Variants in MID2 observed in about 807,000 individuals in gnomAD.
The protein encoded by MID2 is probable E3 ubiquitin-protein ligase MID2.
MID2 carries 13 observed loss-of-function variants against 46.1 expected under a neutral mutation model. The ratio of observed to expected loss-of-function variants is 0.28; its 90% CI spans 0.18 to 0.45. The LOEUF (loss-of-function observed/expected upper bound fraction) is 0.45, where lower values mean the gene tolerates loss of function less well. Ranked by LOEUF, MID2 falls within the 20% of genes least tolerant of loss-of-function variation. MID2 has a pLI of 1.00. For synonymous variants in MID2, 199 were observed against 212.3 expected, an observed-to-expected ratio of 0.94 and a Z score of 0.55; for missense variants, 431 against 575.4, an observed-to-expected ratio of 0.75 and a Z score of 2.57.
intron 3 of MID2, among the ~76,000 whole-genome samples, chrX:107,873,857 A>C (rs760821122): frequency 1.8e-5 from 2 of 110,977 alleles, no homozygotes; most frequent in Non-Finnish European, 3.8e-5. Flanking sequence ...ATTACCTGTG[A>C]GGAAGTTTCT....
chrX:107,844,905 G>T lies in MID2; in HGVS notation c.720+3520G>T, dbSNP rs139705443. On this transcript the variant is annotated intron_variant, in intron 2 of 9. Transcript: ENST00000262843. ...TAATCTCCTTCAGGTCAGAAATAAT[G>T]TCTTGTATTTCTTTAGTATTCTCCT... Among the ~76,000 whole-genome samples the T allele has an allele frequency of 3.0e-3, 332 of 111,948 alleles. 4 individuals carry two copies. Among genetic ancestry groups the T allele is most frequent in the African/African-American group, 9.6e-3 (298 of 30,885 alleles).
intron 3 of MID2, among the ~76,000 whole-genome samples, chrX:107,869,576 C>T (rs758726558): frequency 9.0e-6 from 1 of 111,343 alleles, no homozygotes; most frequent in South Asian, 3.7e-4. Flanking sequence ...ATATGTCTTC[C>T]TATCCAGAAT....
At chrX:107,846,121 AG>A (rs1412797066) in intron 2 of MID2, among the ~76,000 whole-genome samples, 1 of 111,033 alleles carries the variant, frequency 9.0e-6, no homozygotes. Flanking sequence ...GTGTAAGGTA[AG>A]CTTTCTGTTG....
chrX:107,889,493 G>A (rs1268307526), intron 3 of MID2, among the ~76,000 whole-genome samples: 4 of 111,940 alleles, frequency 3.6e-5, no homozygotes, highest in African/African-American at 1.3e-4. Context: ...GAGATCCGCT[G>A]TTAGTCTGAT....
chrX:107,884,342 T>C (rs1192669916), intron 3 of MID2, among the ~76,000 whole-genome samples: 1 of 112,588 alleles, frequency 8.9e-6, no homozygotes, highest in Non-Finnish European at 1.9e-5. Flanking sequence ...TCAATATTTA[T>C]TTAATTCCTA....
At chrX:107,860,241 A>G (rs1931827303) in intron 3 of MID2, among the ~76,000 whole-genome samples, 1 of 111,779 alleles carries the variant, frequency 8.9e-6, no homozygotes, top group Non-Finnish European at 1.9e-5. Context: ...TAATGGGTGA[A>G]GGAGTGAGGG....
At chrX:107,904,523 G>A (rs1381439283) in intron 4 of MID2, among the ~76,000 whole-genome samples, 1 of 111,224 alleles carries the variant, frequency 9.0e-6, no homozygotes, top group Non-Finnish European at 1.9e-5. Context: ...GGGTAGATCA[G>A]AATGGGATGA....
intron 3 of MID2, among the ~76,000 whole-genome samples, chrX:107,881,285 G>T (rs1346973666): frequency 1.8e-5 from 2 of 112,492 alleles, no homozygotes; most frequent in Non-Finnish European, 3.8e-5. Context: ...TCATCCAGTG[G>T]GCATAGTACC....
Position 107,885,019 on chromosome X carries a change from T to G in MID2, c.817-18939T>G, listed in dbSNP as rs143729032. On this transcript the variant is annotated intron_variant, in intron 3 of 9. Transcript: ENST00000262843. ...TTCTTTTACTAGCAGTAACAATGTA[T>G]TAAGATGGCCAGATTTTTGGAATTT... Among the ~76,000 whole-genome samples the G allele has an allele frequency of 9.6e-3, 1,078 of 112,126 alleles. 7 individuals are homozygous for G. Among genetic ancestry groups the G allele is most frequent in the Non-Finnish European group, 0.016 (838 of 53,167 alleles).
chrX:107,902,350 G>A (rs1932801324), intron 3 of MID2, among the ~76,000 whole-genome samples: 1 of 111,822 alleles, frequency 8.9e-6, no homozygotes, highest in Admixed American at 9.5e-5. Context: ...AATGGCAAGT[G>A]TCTAAGTTTC....
chrX:107,864,393 A>G (rs1403940029), intron 3 of MID2, among the ~76,000 whole-genome samples: 1 of 111,465 alleles, frequency 9.0e-6, no homozygotes, highest in Non-Finnish European at 1.9e-5. Context: ...AGAAGGAAGC[A>G]ATAATACCCA....
chrX:107,893,709 T>A (rs775044954), intron 3 of MID2, among the ~76,000 whole-genome samples: 1 of 112,062 alleles, frequency 8.9e-6, no homozygotes, highest in Admixed American at 9.5e-5. Context: ...TAGACTTGAG[T>A]CTGTCTGGCT....
At chrX:107,915,151 A>G (rs1275995276) in intron 5 of MID2, among the ~76,000 whole-genome samples, 1 of 112,548 alleles carries the variant, frequency 8.9e-6, no homozygotes, top group African/African-American at 3.2e-5. Context: ...GAAGATATTA[A>G]GAGGTACAAA....
At chrX:107,886,951 T>A (rs1204363200) in intron 3 of MID2, among the ~76,000 whole-genome samples, 2 of 112,076 alleles carry the variant, frequency 1.8e-5, no homozygotes, top group Non-Finnish European at 3.8e-5. Flanking sequence ...TAAGAATGCT[T>A]GTGATTTTTG....
chrX:107,875,028 A>C (rs1932167087), intron 3 of MID2, among the ~76,000 whole-genome samples: 1 of 111,215 alleles, frequency 9.0e-6, no homozygotes, highest in Non-Finnish European at 1.9e-5. Context: ...TAAAACTTTA[A>C]CCTGAGGATA....
In MID2 at chrX:107,841,247, C is replaced by A. The variant is rs766790109; in HGVS notation, c.582C>A (p.Thr194=). The change falls in exon 2 of 10, where the codon ACC becomes ACA. Residue 194 remains threonine, a synonymous_variant. Coordinates refer to ENST00000262843, the MANE Select transcript of MID2 (RefSeq NM_012216.4). ...PVPDTHLRGI[T]CLDHENEKVN... ...CAGACACACATCTTCGAGGGATCAC[C>A]TGCCTGGACCATGAGAATGAGAAAG... The A allele has an allele frequency of 2.3e-5, 28 of 1,209,419 alleles. No homozygotes were observed. The East Asian group carries it at 5.6e-4, about 24-fold the overall frequency.
chrX:107,923,456 C>T (rs758375912), intron 7 of MID2, among the ~76,000 whole-genome samples: 4 of 111,898 alleles, frequency 3.6e-5, no homozygotes, highest in South Asian at 3.7e-4. Context: ...AAGCAGAAGC[C>T]TAGTTCTCTG....
chrX:107,908,696 TA>T lies in MID2; in HGVS notation c.1073+3088del, dbSNP rs770825707. 0.014 allele frequency among the ~76,000 whole-genome samples: 931 copies of T among 66,952 alleles called. 26 individuals are homozygous for T. In the East Asian group the frequency reaches 0.15, roughly 11 times the overall value. 58.1% of individuals were successfully genotyped at this position (66,952 alleles called of 115,157 possible). On this transcript the variant is annotated intron_variant, in intron 5 of 9. Coordinates refer to ENST00000262843, the MANE Select transcript of MID2 (RefSeq NM_012216.4). ...CTGGGCAACATAGCGAGATTCCATC[TA>T]AAAAAAAAAAAAAAAAAGCCTGCAT...
intron 2 of MID2, among the ~76,000 whole-genome samples, chrX:107,851,855 TTTTATTTATTTATTTA>T (rs199930811): frequency 0.022 from 2,102 of 93,800 alleles, 53 homozygotes; most frequent in African/African-American, 0.073. Flanking sequence ...TCTTTATACT[TTTTATTTATTTATTTA>T]TTTATTTATT....
Sources: allele counts gnomAD v4.1 joint callset (sites outside exome capture counted in the v4.1 genomes callset), GRCh38; gene constraint gnomAD v4.1.1; transcripts MANE v1.5; gene names NCBI Gene and HGNC (gene_info 2026-07-23, HGNC 2026-07-21).